KIF5B: variants seen among roughly 807,000 people sequenced by gnomAD.
The protein encoded by KIF5B is kinesin family member 5B.
KIF5B carries 49 observed loss-of-function variants against 132.8 expected under a neutral mutation model. The ratio of observed to expected loss-of-function variants is 0.37; its 90% CI spans 0.29 to 0.47. KIF5B has a LOEUF of 0.47. Among genes scored for constraint, KIF5B ranks in the 20% least tolerant of loss-of-function variants. KIF5B has a pLI of 1.00. For missense variants in KIF5B, 780 were observed against 1,144.0 expected (o/e 0.68, Z 4.59); for synonymous variants, 355 against 369.4 (o/e 0.96, Z 0.45).
intron 14 of KIF5B, 28 bp downstream of exon 14, chr10:32,031,045 T>TA (rs1369540289): frequency 1.3e-6 from 2 of 1,534,632 alleles, no homozygotes; most frequent in African/African-American, 2.7e-5. Flanking sequence ...ACTAAAGCAT[T>TA]AAAAAAGAAA....
chr10:32,016,196 C>T (rs1841158904), intron 24 of KIF5B, among the ~76,000 whole-genome samples: 1 of 151,814 alleles, frequency 6.6e-6, no homozygotes, highest in Non-Finnish European at 1.5e-5. Flanking sequence ...GTGGCTCATG[C>T]CTGTAATCCC....
intron 2 of KIF5B, among the ~76,000 whole-genome samples, chr10:32,048,187 T>G (rs1841639440): frequency 6.6e-6 from 1 of 152,210 alleles, no homozygotes; most frequent in Non-Finnish European, 1.5e-5. Context: ...GAAACTCTCC[T>G]GGGAATATCT....
At chr10:32,035,483 C>G (rs572933958) in intron 10 of KIF5B, 39 bp downstream of exon 10, 2 of 1,553,474 alleles carry the variant, frequency 1.3e-6, no homozygotes, top group East Asian at 4.5e-5. Context: ...AACAAAAGGT[C>G]TATCTAAATT....
At chr10:32,035,732 C>T in intron 9 of KIF5B, 65 bp from the exon 10 acceptor site, 1 of 1,484,142 alleles carries the variant, frequency 6.7e-7, no homozygotes. Context: ...AAAATAAACT[C>T]CCAAAAGACA....
At position 32,009,770 on chromosome 10, in the gene KIF5B, A is replaced by G; in HGVS notation, c.*1767T>C. On this transcript the variant is annotated 3_prime_UTR_variant, in exon 26 of 26. Coordinates refer to ENST00000302418, the MANE Select transcript of KIF5B (RefSeq NM_004521.3). ...CAGCCAAATGTTTCTCCATTTAGAA[A>G]ATCATCATAAAAGGTGGCAGCACTT... The G allele has an allele frequency of 6.6e-6, 1 of 152,166 alleles. No homozygotes were observed. Among genetic ancestry groups the G allele is most frequent in the Admixed American group, 6.5e-5 (1 of 15,278 alleles). 9.4% of individuals were successfully genotyped at this position (152,166 alleles called of 1,614,324 possible).
chr10:32,037,115 GGCA>G, intron 8 of KIF5B, 136 bp downstream of exon 8: 1 of 687,996 alleles, frequency 1.5e-6, no homozygotes, highest in South Asian at 1.9e-5. Flanking sequence ...ATAAGGCACT[GGCA>G]TCAGCGGTTA....
rs549845689 is a variant in KIF5B, at chr10:32,024,950, G to A, written c.1726-1914C>T. 2.6e-5 allele frequency among the ~76,000 whole-genome samples: 4 copies of A among 152,040 alleles called. No individual in the cohort carries two copies. The South Asian group carries it at 6.2e-4, about 24-fold the overall frequency. ...AAATTAACCAGGCGTGGTGGTACGC[G>A]CCTGTGTTCCCAGCTATTTGGCAGG... On this transcript the variant is annotated intron_variant, in intron 15 of 25. Transcript: ENST00000302418.
intron 8 of KIF5B, among the ~76,000 whole-genome samples, 164 bp from the exon 9 acceptor site, chr10:32,036,158 A>C (rs781761383): frequency 2.6e-5 from 4 of 152,152 alleles, no homozygotes; most frequent in Non-Finnish European, 4.4e-5. Context: ...CTTGAGTACT[A>C]CTCTTAAGAG....
At chr10:32,023,170 T>G (rs1217480514) in intron 15 of KIF5B, 134 bp from the exon 16 acceptor site, 2 of 461,056 alleles carry the variant, frequency 4.3e-6, no homozygotes, top group Non-Finnish European at 7.2e-6. Context: ...GGATCTTATT[T>G]TTTTCTTTTA....
intron 24 of KIF5B, 39 bp from the exon 25 acceptor site, chr10:32,015,698 T>C: frequency 6.4e-7 from 1 of 1,554,608 alleles, no homozygotes; most frequent in Non-Finnish European, 8.8e-7. Context: ...GAATAAAGTT[T>C]AAGATGTGAC....
intron 24 of KIF5B, among the ~76,000 whole-genome samples, chr10:32,016,080 G>C (rs1228616208): frequency 6.6e-6 from 1 of 152,124 alleles, no homozygotes; most frequent in Non-Finnish European, 1.5e-5. Context: ...GGAGGCTGGG[G>C]CTGCAGTGAG....
intron 5 of KIF5B, 35 bp downstream of exon 5, chr10:32,038,743 G>C (rs1048257203): frequency 9.0e-7 from 1 of 1,108,798 alleles, no homozygotes; most frequent in Admixed American, 2.1e-5. Flanking sequence ...ATTAACAGAT[G>C]TTATTTAAAA....
At chr10:32,021,767 T>C (rs1017746019) in intron 17 of KIF5B, among the ~76,000 whole-genome samples, 2 of 151,974 alleles carry the variant, frequency 1.3e-5, no homozygotes, top group Non-Finnish European at 2.9e-5. Flanking sequence ...GGTCAGGAGA[T>C]CAAGACCATC....
chr10:32,033,746 T>C (rs1424619786), intron 12 of KIF5B, 99 bp downstream of exon 12: 5 of 696,450 alleles, frequency 7.2e-6, no homozygotes, highest in East Asian at 5.7e-5. Flanking sequence ...ATAAAGATCC[T>C]AAGTGCCCAC....
At position 32,034,745 on chromosome 10, in the gene KIF5B, C is replaced by G; in HGVS notation, c.1056G>C (p.Lys352Asn). Reference sequence around the variant, plus strand: ...GCCACTGAATAGTGTTCCGCAGGATCTTATTTTTTTCTTTTTCTTTTTCAT... The same window carrying G: ...GCCACTGAATAGTGTTCCGCAGGATGTTATTTTTTTCTTTTTCTTTTTCAT... ...KKYEKEKEKNKILRNTIQWLE... is the reference protein window; with the variant it reads ...KKYEKEKEKNNILRNTIQWLE... Residue 352 changes from lysine (K) to asparagine (N), a missense_variant, in exon 11 of 26, where the codon AAG becomes AAC. Lys to Asn is a moderately conservative substitution (Grantham distance 94). Transcript: ENST00000302418. 6.2e-7 allele frequency: 1 copy of G among 1,609,326 alleles called. No homozygotes were observed. Among genetic ancestry groups the G allele is most frequent in the Non-Finnish European group, 8.5e-7 (1 of 1,177,948 alleles).
At chr10:32,016,759 C>T (rs1347152711) in intron 24 of KIF5B, among the ~76,000 whole-genome samples, 1 of 152,184 alleles carries the variant, frequency 6.6e-6, no homozygotes, top group East Asian at 1.9e-4. Context: ...TGGTCTCGAA[C>T]TTCTGACCTC....
chr10:32,036,889 A>C (rs573436643), intron 8 of KIF5B, among the ~76,000 whole-genome samples: 2 of 152,340 alleles, frequency 1.3e-5, no homozygotes, highest in Non-Finnish European at 2.9e-5. Flanking sequence ...GAAAAGACTA[A>C]TCGAGAGTTA....
chr10:32,040,046 G>GA (rs977965521), intron 3 of KIF5B, among the ~76,000 whole-genome samples: 78 of 152,160 alleles, frequency 5.1e-4, no homozygotes, highest in African/African-American at 1.8e-3. Context: ...AGGAGAACAG[G>GA]AAAAAGTTAT....
chr10:32,023,112 CT>C, intron 15 of KIF5B, 76 bp from the exon 16 acceptor site: 1 of 738,780 alleles, frequency 1.4e-6, no homozygotes, highest in Non-Finnish European at 2.0e-6. Flanking sequence ...GCTATAAAAT[CT>C]TTTTATAAAA....
Sources: allele counts gnomAD v4.1 joint callset (sites outside exome capture counted in the v4.1 genomes callset), GRCh38; gene constraint gnomAD v4.1.1; transcripts MANE v1.5; gene names NCBI Gene and HGNC (gene_info 2026-07-23, HGNC 2026-07-21).